DCC: variants seen among roughly 807,000 people sequenced by gnomAD.
The protein encoded by DCC is netrin receptor DCC.
A neutral mutation model predicts 172.5 loss-of-function variants in DCC; 58 were observed. The observed-to-expected ratio is 0.34, with a 90% CI of 0.27 to 0.42. The LOEUF is 0.42. Among genes scored for constraint, DCC ranks in the 10% least tolerant of loss-of-function variants. The pLI is 1.00. For synonymous variants in DCC, 709 were observed against 644.5 expected (o/e 1.10, Z -1.52); for missense variants, 1,740 against 1,791.0 (o/e 0.97, Z 0.51).
intron 14 of DCC, among the ~76,000 whole-genome samples, chr18:53,334,442 C>G (rs2057569217): frequency 6.6e-6 from 1 of 152,084 alleles, no homozygotes; most frequent in African/African-American, 2.4e-5. Context: ...CTTAAATTTA[C>G]CATCCTAACA....
intron 12 of DCC, among the ~76,000 whole-genome samples, chr18:53,297,997 T>C (rs1377196415): frequency 1.3e-5 from 2 of 152,082 alleles, no homozygotes; most frequent in Admixed American, 1.3e-4. Flanking sequence ...GTGTGTTGAG[T>C]GTATAACTGA....
At chr18:53,470,184 TA>T (rs1304376705) in intron 25 of DCC, among the ~76,000 whole-genome samples, 2 of 152,116 alleles carry the variant, frequency 1.3e-5, no homozygotes, top group Non-Finnish European at 2.9e-5. Flanking sequence ...AAATAAATAT[TA>T]TTAAAATGCT....
chr18:53,305,469 A>T, intron 12 of DCC, 109 bp from the exon 13 acceptor site: 1 of 887,962 alleles, frequency 1.1e-6, no homozygotes, highest in Admixed American at 1.8e-5. Context: ...AATCGCTAAC[A>T]CTTCTTGCTT....
intron 4 of DCC, 62 bp downstream of exon 4, chr18:52,923,919 T>C (rs2040162218): frequency 8.1e-7 from 1 of 1,236,568 alleles, no homozygotes; most frequent in Non-Finnish European, 1.2e-6. Context: ...CTGCTATTTA[T>C]ATTTCTCTAA....
At chr18:53,083,556 C>T (rs2144142903) in intron 7 of DCC, among the ~76,000 whole-genome samples, 1 of 152,246 alleles carries the variant, frequency 6.6e-6, no homozygotes, top group South Asian at 2.1e-4. Context: ...AAAGGTCTTC[C>T]TGTAACTGCA....
chr18:52,804,907 G>T (rs1199106164), intron 2 of DCC, among the ~76,000 whole-genome samples: 1 of 152,128 alleles, frequency 6.6e-6, no homozygotes, highest in Non-Finnish European at 1.5e-5. Flanking sequence ...AAAAAAATAT[G>T]CCTGGTGTTT....
At chr18:52,779,919 G>T (rs9947241) in intron 2 of DCC, among the ~76,000 whole-genome samples, 8,048 of 152,162 alleles carry the variant, frequency 0.053, 287 homozygotes, top group South Asian at 0.16. Context: ...TAAATCTTTA[G>T]TTGACTTTGA....
chr18:52,865,101 GT>G (rs1598879586), intron 2 of DCC, among the ~76,000 whole-genome samples: 1 of 151,926 alleles, frequency 6.6e-6, no homozygotes, highest in East Asian at 1.9e-4. Flanking sequence ...TCCTGACCTC[GT>G]GATCCTCCCG....
At chr18:53,255,215 T>A (rs1177483741) in intron 12 of DCC, among the ~76,000 whole-genome samples, 1 of 151,890 alleles carries the variant, frequency 6.6e-6, no homozygotes, top group Non-Finnish European at 1.5e-5. Context: ...TTTTTGTTTT[T>A]TTTTCTATTA....
At chr18:52,769,063 T>G (rs1479328368) in intron 2 of DCC, among the ~76,000 whole-genome samples, 1 of 152,194 alleles carries the variant, frequency 6.6e-6, no homozygotes, top group Non-Finnish European at 1.5e-5. Context: ...TCTAGGTTAT[T>G]TCAGGAGAAT....
chr18:52,435,810 GTTC>G (rs1987774877), intron 1 of DCC, among the ~76,000 whole-genome samples: 2 of 152,182 alleles, frequency 1.3e-5, no homozygotes, highest in African/African-American at 4.8e-5. Flanking sequence ...GTTGATCACT[GTTC>G]TTCTGCTTCT....
chr18:53,094,794 A>C (rs2043061958), intron 7 of DCC, among the ~76,000 whole-genome samples: 1 of 152,102 alleles, frequency 6.6e-6, no homozygotes, highest in Non-Finnish European at 1.5e-5. Context: ...AATGATTTCT[A>C]AATATCTATT....
chr18:53,195,190 A>G (rs1453034464), intron 9 of DCC, among the ~76,000 whole-genome samples: 2 of 152,178 alleles, frequency 1.3e-5, no homozygotes, highest in Non-Finnish European at 2.9e-5. Flanking sequence ...TTTCAATCCT[A>G]CCTGAAATGT....
intron 5 of DCC, among the ~76,000 whole-genome samples, chr18:53,047,266 A>AAT (rs1205209944): frequency 5.9e-5 from 1 of 16,966 alleles, no homozygotes; most frequent in Admixed American, 4.2e-4. Flanking sequence ...ATATATATAT[A>AAT]TATATATATA....
chr18:52,898,651 C>G (rs925594315), intron 2 of DCC, among the ~76,000 whole-genome samples: 1 of 151,668 alleles, frequency 6.6e-6, no homozygotes, highest in African/African-American at 2.4e-5. Context: ...TTTGATGTCC[C>G]TACAGATTTA....
At chr18:52,916,047 G>GT (rs1568184876) in intron 3 of DCC, among the ~76,000 whole-genome samples, 1 of 152,032 alleles carries the variant, frequency 6.6e-6, no homozygotes, top group Non-Finnish European at 1.5e-5. Flanking sequence ...TGAAAAAGCA[G>GT]TGAAAATTAT....
At chr18:53,397,165 G>A (rs993907564) in intron 17 of DCC, 143 bp from the exon 18 acceptor site, 11 of 729,146 alleles carry the variant, frequency 1.5e-5, no homozygotes, top group East Asian at 2.7e-5. Flanking sequence ...ATGGGAATTC[G>A]AGTCAGTGCT....
intron 5 of DCC, among the ~76,000 whole-genome samples, chr18:52,945,125 A>G (rs2040521173): frequency 6.6e-6 from 1 of 152,208 alleles, no homozygotes; most frequent in South Asian, 2.1e-4. Context: ...AGATTTGACA[A>G]TTATTCTCCA....
At chr18:53,445,113 T>G (rs1912516606) in intron 22 of DCC, among the ~76,000 whole-genome samples, 1 of 152,226 alleles carries the variant, frequency 6.6e-6, no homozygotes, top group Non-Finnish European at 1.5e-5. Flanking sequence ...CCCATAACGC[T>G]GATAAATATC....
Sources: allele counts gnomAD v4.1 joint callset (sites outside exome capture counted in the v4.1 genomes callset), GRCh38; gene constraint gnomAD v4.1.1; transcripts MANE v1.5; gene names NCBI Gene and HGNC (gene_info 2026-07-23, HGNC 2026-07-21).